WWOX: variants seen among roughly 807,000 people sequenced by gnomAD.
WWOX encodes the protein WW domain containing oxidoreductase.
A neutral mutation model predicts 46.2 loss-of-function variants in WWOX; 69 were observed. The ratio of observed to expected loss-of-function variants is 1.49; its 90% CI spans 1.23 to 1.82. The LOEUF (loss-of-function observed/expected upper bound fraction) is 1.82. Among genes scored for constraint, WWOX ranks in the 40% most tolerant of loss-of-function variants. WWOX has a pLI of 0.00. For synonymous variants in WWOX, 359 were observed against 202.6 expected (o/e 1.77, Z -6.56); for missense variants, 919 against 542.6 (o/e 1.69, Z -6.89).
Position 78,370,976 on chromosome 16 carries a change from A to ATGTCTTTTTTTTTTTTTTTTTTTT in WWOX, c.517-15883_517-15882insGTCTTTTTTTTTTTTTTTTTTTTT, listed in dbSNP as rs776317489. On this transcript the variant is annotated intron_variant, in intron 5 of 8. Coordinates refer to ENST00000566780, the MANE Select transcript of WWOX (RefSeq NM_016373.4). ...CAGGTTGCTCTGAGACTGTGTTGTG[A>ATGTCTTTTTTTTTTTTTTTTTTTT]TTTCTTTTTTTTTTTTTTTTACTTG... Among the ~76,000 whole-genome samples the ATGTCTTTTTTTTTTTTTTTTTTTT allele has an allele frequency of 1.6e-5, 2 of 128,586 alleles. 1 individual carries two copies. The allele number at this position is 128,586 out of a possible 152,430, so 84.4% of individuals were successfully genotyped here. A position where few individuals can be genotyped will look rare whatever the true frequency, so the allele number is the denominator to read the frequency against.
chr16:78,562,773 C>G (rs1039531869), intron 8 of WWOX, among the ~76,000 whole-genome samples: 1 of 152,180 alleles, frequency 6.6e-6, no homozygotes, highest in African/African-American at 2.4e-5. Flanking sequence ...TCAGGGAAGA[C>G]CCTGTCTATG....
intron 8 of WWOX, among the ~76,000 whole-genome samples, chr16:79,127,639 G>A (rs528091218): frequency 2.5e-4 from 38 of 152,272 alleles, no homozygotes; most frequent in Middle Eastern, 6.8e-3. Flanking sequence ...AGAAATAGCA[G>A]CATCGGCTGA....
At position 78,363,178 on chromosome 16, in the gene WWOX, T is replaced by G. The variant is rs190944468; in HGVS notation, c.517-23682T>G. Among the ~76,000 whole-genome samples the G allele has an allele frequency of 2.6e-4, 39 of 152,258 alleles. No homozygotes were observed. In the East Asian group the frequency reaches 5.0e-3, roughly 20 times the overall value. Reference sequence around the variant, plus strand: ...TGTGTGTGTGTATGTGTCTGTGTGTTCACCGTGCTGTGTGAATTGTGGCTT... The same window carrying G: ...TGTGTGTGTGTATGTGTCTGTGTGTGCACCGTGCTGTGTGAATTGTGGCTT... On this transcript the variant is annotated intron_variant, in intron 5 of 8. Transcript: ENST00000566780.
chr16:78,519,618 C>A (rs75791067), intron 8 of WWOX, among the ~76,000 whole-genome samples: 1 of 151,990 alleles, frequency 6.6e-6, no homozygotes, highest in Non-Finnish European at 1.5e-5. Context: ...AAGGTCGTGA[C>A]GGTACTACAA....
At chr16:78,554,151 T>C (rs1312678732) in intron 8 of WWOX, among the ~76,000 whole-genome samples, 1 of 152,100 alleles carries the variant, frequency 6.6e-6, no homozygotes, top group Non-Finnish European at 1.5e-5. Context: ...TGCAGAAAAG[T>C]GCTGAAGGTG....
chr16:78,926,960 C>T (rs1039416368), intron 8 of WWOX, among the ~76,000 whole-genome samples: 2 of 152,022 alleles, frequency 1.3e-5, no homozygotes, highest in Admixed American at 1.3e-4. Flanking sequence ...TGACACCTGC[C>T]TAATTTTGTA....
chr16:78,639,862 G>C (rs894197599), intron 8 of WWOX, among the ~76,000 whole-genome samples: 1 of 152,184 alleles, frequency 6.6e-6, no homozygotes, highest in Non-Finnish European at 1.5e-5. Context: ...CACCATGCTA[G>C]GCCCAGATTG....
intron 5 of WWOX, among the ~76,000 whole-genome samples, chr16:78,268,921 C>T (rs1023775230): frequency 3.3e-5 from 5 of 152,120 alleles, no homozygotes; most frequent in Admixed American, 3.3e-4. Flanking sequence ...TTCTATCCCT[C>T]TGAGGCAACC....
intron 5 of WWOX, among the ~76,000 whole-genome samples, chr16:78,219,970 A>G (rs1272402194): frequency 2.6e-5 from 4 of 152,164 alleles, no homozygotes; most frequent in African/African-American, 9.7e-5. Context: ...AAGCTATAAT[A>G]CTCTTTTAAA....
chr16:78,211,317 G>T (rs1167231297), intron 5 of WWOX, among the ~76,000 whole-genome samples: 1 of 152,154 alleles, frequency 6.6e-6, no homozygotes, highest in Non-Finnish European at 1.5e-5. Context: ...CAGAGGCATG[G>T]CTTTGAAGAG....
chr16:79,048,296 C>T (rs2048103378), intron 8 of WWOX, among the ~76,000 whole-genome samples: 1 of 152,100 alleles, frequency 6.6e-6, no homozygotes, highest in African/African-American at 2.4e-5. Flanking sequence ...TTGCAAAGCT[C>T]AGATGGAAGC....
At chr16:79,065,264 G>A (rs546232163) in intron 8 of WWOX, among the ~76,000 whole-genome samples, 2 of 152,158 alleles carry the variant, frequency 1.3e-5, no homozygotes, top group Admixed American at 1.3e-4. Flanking sequence ...TGACATTATG[G>A]CAGGAAAGAA....
chr16:79,155,461 A>G (rs1042307158), intron 8 of WWOX, among the ~76,000 whole-genome samples: 1 of 152,200 alleles, frequency 6.6e-6, no homozygotes, highest in Non-Finnish European at 1.5e-5. Context: ...TGAGGTTATT[A>G]TGTAGGTATT....
intron 8 of WWOX, among the ~76,000 whole-genome samples, chr16:78,640,219 T>C (rs2432576): frequency 6.9e-6 from 1 of 144,742 alleles, no homozygotes; most frequent in Non-Finnish European, 1.5e-5. Flanking sequence ...TTTCTTCTTG[T>C]TGTTGGGTTT....
At chr16:78,701,289 C>A (rs980724678) in intron 8 of WWOX, among the ~76,000 whole-genome samples, 6 of 152,108 alleles carry the variant, frequency 3.9e-5, no homozygotes, top group African/African-American at 1.4e-4. Context: ...GTTTCCTGGG[C>A]TGATCTCAAA....
chr16:78,104,025 C>T (rs942791837), intron 1 of WWOX, among the ~76,000 whole-genome samples: 13 of 152,212 alleles, frequency 8.5e-5, no homozygotes, highest in African/African-American at 3.1e-4. Flanking sequence ...CCTCTCCCCT[C>T]ACAGTCTCAG....
intron 8 of WWOX, among the ~76,000 whole-genome samples, chr16:78,922,445 C>T (rs970860316): frequency 4.0e-5 from 6 of 150,562 alleles, no homozygotes; most frequent in African/African-American, 1.5e-4. Context: ...GTGGCGTGAC[C>T]TTGGCTCACT....
At position 78,738,274 on chromosome 16, in the gene WWOX, A is replaced by G. The variant is rs79684625; in HGVS notation, c.1056+305522A>G. On this transcript the variant is annotated intron_variant, in intron 8 of 8. Coordinates refer to ENST00000566780, the MANE Select transcript of WWOX (RefSeq NM_016373.4). ...TAATTTTTCCCCTTTCTAATATTATATATTAGGTGTGCTCTTGTGTCTGGG... is the reference window on the plus strand; with the variant it reads ...TAATTTTTCCCCTTTCTAATATTATGTATTAGGTGTGCTCTTGTGTCTGGG... Among the ~76,000 whole-genome samples, 1,046 of 152,284 alleles carry G rather than the reference A, an allele frequency of 6.9e-3. 15 individuals carry two copies. Among genetic ancestry groups the G allele is most frequent in the African/African-American group, 0.024 (998 of 41,562 alleles).
chr16:79,174,868 C>A (rs1056038896), intron 8 of WWOX, among the ~76,000 whole-genome samples: 1 of 152,104 alleles, frequency 6.6e-6, no homozygotes, highest in Non-Finnish European at 1.5e-5. Flanking sequence ...CTTATTGAGC[C>A]TTTACTAGAT....
Sources: gnomAD v4.1 joint callset for allele counts (sites outside exome capture counted in the v4.1 genomes callset) on GRCh38, gnomAD v4.1.1 for gene constraint, MANE v1.5 for transcripts, NCBI Gene and HGNC (gene_info 2026-07-23, HGNC 2026-07-21) for gene names.